SUPT7L: variants seen among roughly 807,000 people sequenced by gnomAD.
The protein encoded by SUPT7L is STAGA complex 65 subunit gamma.
Under a neutral mutation model 35.7 loss-of-function variants are expected in SUPT7L, and 15 were observed. That is an observed-to-expected ratio of 0.42 (90% confidence interval 0.28 to 0.65). SUPT7L has a LOEUF of 0.65. SUPT7L is among the 30% of genes least tolerant of loss of function. The pLI, the probability that SUPT7L is intolerant of heterozygous loss-of-function variation, is 0.23. For missense variants in SUPT7L, 434 were observed against 522.2 expected (o/e 0.83, Z 1.65); for synonymous variants, 168 against 186.2 (o/e 0.90, Z 0.79).
In SUPT7L at chr2:27,657,243, A is replaced by C. The variant is rs985489244; in HGVS notation, c.744+102T>G. On this transcript the variant is annotated intron_variant, in intron 4 of 5. Coordinates refer to ENST00000337768, the MANE Select transcript of SUPT7L (RefSeq NM_014860.3). This position sits in a 1 kb window ranked among gnomAD's most constrained non-coding sequence, Gnocchi z 5.2. ...AGTATGTTAAGTTCACTCTGTTCCA[A>C]GACTCTGTGCTCTGCACTCTAGACC... The C allele has an allele frequency of 2.3e-6, 3 of 1,290,064 alleles. No homozygotes were observed. Among genetic ancestry groups the C allele is most frequent in the Non-Finnish European group, 3.2e-6 (3 of 937,902 alleles). 79.9% of individuals were successfully genotyped at this position (1,290,064 alleles called of 1,614,324 possible).
At chr2:27,648,962 A>G (rs1454772980), downstream of SUPT7L, among the ~76,000 whole-genome samples, 3 of 150,276 alleles carry the variant, frequency 2.0e-5, no homozygotes, top group Admixed American at 2.0e-4. Context: ...AAACAACCAT[A>G]GGCCGGGCAC....
chr2:27,653,941 C>G (rs888784302), intron 5 of SUPT7L, among the ~76,000 whole-genome samples, 194 bp from the exon 6 acceptor site: 1 of 152,186 alleles, frequency 6.6e-6, no homozygotes, highest in Non-Finnish European at 1.5e-5. Flanking sequence ...ATTACCAGCT[C>G]TGATTATCTT....
intron 3 of SUPT7L, among the ~76,000 whole-genome samples, chr2:27,659,309 A>T (rs1674945857): frequency 1.3e-5 from 2 of 152,206 alleles, no homozygotes; most frequent in South Asian, 4.1e-4. Context: ...TACTTTTCTC[A>T]TTAGTTTGGG....
intron 5 of SUPT7L, 142 bp from the exon 6 acceptor site, chr2:27,653,889 TG>T: frequency 3.7e-6 from 4 of 1,091,706 alleles, no homozygotes; most frequent in Non-Finnish European, 3.9e-6. Context: ...CTGGAGAATA[TG>T]GTTGTTACTC....
At position 27,655,513 on chromosome 2, in the gene SUPT7L, T is replaced by C. The variant is rs1226624676; in HGVS notation, c.834A>G (p.Glu278=). 1.2e-6 allele frequency: 2 copies of C among 1,613,950 alleles called. No individual in the cohort carries two copies. The highest frequency in any genetic ancestry group is 1.3e-5 in the African/African-American group (1 of 74,896). ...CAGGAAAAGTGATGTCGCTCACAGG[T>C]TCCTCCTTGATCTTCACAGGTTTAG... ...EDAKPVKIKE[E]PVSDITFPVS... Residue 278 remains glutamate (E), a synonymous_variant, in exon 5 of 6, where the codon GAA becomes GAG. Coordinates refer to ENST00000337768, the MANE Select transcript of SUPT7L (RefSeq NM_014860.3).
rs1675222040 is a variant in SUPT7L, at chr2:27,663,540, G to A, written c.-301C>T. The A allele has an allele frequency of 3.6e-6, 2 of 552,362 alleles. No individual in the cohort carries two copies. The highest frequency in any genetic ancestry group is 2.1e-5 in the South Asian group (1 of 48,492). 34.2% of individuals were successfully genotyped at this position (552,362 alleles called of 1,614,324 possible). A position where few individuals can be genotyped will look rare whatever the true frequency, so the allele number is the denominator to read the frequency against. ...TGCTGCGTCGCAGAGCGGGCTGGGC[G>A]GCTGTCTGGACCTCGAGAGGCCTGA... is the stretch of plus-strand genomic sequence containing the variant. On this transcript the variant is annotated 5_prime_UTR_variant, in exon 1 of 6. Coordinates refer to ENST00000337768, the MANE Select transcript of SUPT7L (RefSeq NM_014860.3).
In SUPT7L at chr2:27,662,164, C is replaced by T; in HGVS notation, c.14+15G>A. ...CTTACCATTCAACAAAATTCACAAT[C>T]TGGTTTCAACTCACCTTTGCAGATT... On this transcript the variant is annotated intron_variant, in intron 2 of 5. Transcript: ENST00000337768. 1 of 1,614,124 alleles carries T rather than the reference C, an allele frequency of 6.2e-7. No individual in the cohort carries two copies. The highest frequency in any genetic ancestry group is 1.3e-5 in the African/African-American group (1 of 75,058).
chr2:27,654,362 T>C (rs1674697655), intron 5 of SUPT7L, among the ~76,000 whole-genome samples: 1 of 152,216 alleles, frequency 6.6e-6, no homozygotes, highest in Admixed American at 6.5e-5. Context: ...CCCAACACTT[T>C]TAAAAGTATG....
At chr2:27,662,060 C>T in intron 2 of SUPT7L, 119 bp downstream of exon 2, 3 of 1,384,400 alleles carry the variant, frequency 2.2e-6, no homozygotes, top group Non-Finnish European at 3.1e-6. Context: ...ATTCTCTACA[C>T]TGCTGCTAGA....
intron 1 of SUPT7L, among the ~76,000 whole-genome samples, chr2:27,662,950 CTTTTTTT>C (rs11315948): frequency 9.8e-6 from 1 of 102,504 alleles, no homozygotes; most frequent in Non-Finnish European, 1.8e-5. Context: ...TGGATTTTTT[CTTTTTTT>C]TTTTTTTTTT....
At position 27,653,370 on chromosome 2, in the gene SUPT7L, A is replaced by C; in HGVS notation, c.*115T>G. The C allele has an allele frequency of 6.9e-7, 1 of 1,440,068 alleles. No homozygotes were observed. The highest frequency in any genetic ancestry group is 9.3e-7 in the Non-Finnish European group (1 of 1,079,928). 89.2% of individuals were successfully genotyped at this position (1,440,068 alleles called of 1,614,324 possible). A position where few individuals can be genotyped will look rare whatever the true frequency, so the allele number is the denominator to read the frequency against. ...TCCAGTTCCTCTGGAATTAGGAAAAACCACTTGTGTTTAAGAACAGGAGTC... is the reference window on the plus strand; with the variant it reads ...TCCAGTTCCTCTGGAATTAGGAAAACCCACTTGTGTTTAAGAACAGGAGTC... On this transcript the variant is annotated 3_prime_UTR_variant, in exon 6 of 6. Coordinates refer to ENST00000337768, the MANE Select transcript of SUPT7L (RefSeq NM_014860.3).
intron 3 of SUPT7L, among the ~76,000 whole-genome samples, chr2:27,659,011 C>G (rs979931574): frequency 1.3e-5 from 2 of 152,014 alleles, no homozygotes; most frequent in Non-Finnish European, 2.9e-5. Context: ...AAATTTGATA[C>G]AAAACTAAAA....
chr2:27,648,029 G>T (rs1391201796), downstream of SUPT7L: 92 of 758,790 alleles, frequency 1.2e-4, no homozygotes, highest in East Asian at 2.6e-5. Flanking sequence ...CTTTAAGCGT[G>T]TAGCCAGTAA....
chr2:27,646,713 T>C (rs1342439549), downstream of SUPT7L, among the ~76,000 whole-genome samples: 3 of 152,194 alleles, frequency 2.0e-5, no homozygotes, highest in African/African-American at 7.2e-5. Context: ...TGTACATTTA[T>C]TTTTTCTTCT....
downstream of SUPT7L, among the ~76,000 whole-genome samples, chr2:27,647,469 C>G (rs180821481): frequency 1.3e-5 from 2 of 152,320 alleles, no homozygotes; most frequent in East Asian, 3.9e-4. Flanking sequence ...CACACTTTCA[C>G]TGTGACTCAC....
chr2:27,661,707 C>A, intron 2 of SUPT7L: 1 of 986,720 alleles, frequency 1.0e-6, no homozygotes, highest in Non-Finnish European at 1.3e-6. Flanking sequence ...ATTAGTGGAC[C>A]AATAGCTACA....
intron 3 of SUPT7L, among the ~76,000 whole-genome samples, chr2:27,659,556 C>T (rs1674956548): frequency 6.6e-6 from 1 of 152,086 alleles, no homozygotes; most frequent in African/African-American, 2.4e-5. Flanking sequence ...AGGGAAAAGA[C>T]ATTTACAAAA....
At chr2:27,662,089 T>G in intron 2 of SUPT7L, 90 bp downstream of exon 2, 6 of 1,585,482 alleles carry the variant, frequency 3.8e-6, no homozygotes, top group Non-Finnish European at 5.2e-6. Context: ...TTTTAAAACT[T>G]AAATCAAATG....
In SUPT7L at chr2:27,653,326, G is replaced by T; in HGVS notation, c.*159C>A. 2 of 1,060,206 alleles carry T rather than the reference G, an allele frequency of 1.9e-6. No individual in the cohort carries two copies. Among genetic ancestry groups the T allele is most frequent in the Non-Finnish European group, 2.7e-6 (2 of 751,530 alleles). The allele number at this position is 1,060,206 out of a possible 1,614,324, so 65.7% of individuals were successfully genotyped here. Reference sequence around the variant, plus strand: ...TAAAAACTGGATGCAAAAGTAAAATGCAACCTTGTTTGGTGACGTCCAGTT... The same window carrying T: ...TAAAAACTGGATGCAAAAGTAAAATTCAACCTTGTTTGGTGACGTCCAGTT... On this transcript the variant is annotated 3_prime_UTR_variant, in exon 6 of 6. Transcript: ENST00000337768.
Sources: allele counts gnomAD v4.1 joint callset (sites outside exome capture counted in the v4.1 genomes callset), GRCh38; gene constraint gnomAD v4.1.1; non-coding constraint Gnocchi (gnomAD v3.1); transcripts MANE v1.5; gene names NCBI Gene and HGNC (gene_info 2026-07-23, HGNC 2026-07-21).